RALGPS1: variants seen among roughly 807,000 people sequenced by gnomAD.
RALGPS1 encodes Ral GEF with PH domain and SH3 binding motif 1.
A neutral mutation model predicts 78.8 loss-of-function variants in RALGPS1; 19 were observed. The ratio of observed to expected loss-of-function variants is 0.24; its 90% CI spans 0.17 to 0.35. RALGPS1 has a LOEUF of 0.35. Among genes scored for constraint, RALGPS1 ranks in the 10% least tolerant of loss-of-function variants. The pLI is 1.00. For missense variants in RALGPS1, 454 were observed against 688.3 expected (o/e 0.66, Z 3.81); for synonymous variants, 228 against 256.3 (o/e 0.89, Z 1.06).
At position 127,186,569 on chromosome 9, in the gene RALGPS1, T is replaced by G. The variant is rs183321065; in HGVS notation, c.911-8522T>G. Among the ~76,000 whole-genome samples, 66 of 152,372 alleles carry G rather than the reference T, an allele frequency of 4.3e-4. 1 individual carries two copies. In the East Asian group the frequency reaches 0.013, roughly 29 times the overall value. ...CTTGGCAGGGCAGGAACATGAGGCC[T>G]TTCAGTAGCAGAGGGTGTCACTTAC... is the stretch of plus-strand genomic sequence containing the variant. On this transcript the variant is annotated intron_variant, in intron 11 of 18. Transcript: ENST00000259351.
chr9:127,030,519 A>G (rs1402513573), intron 4 of RALGPS1, among the ~76,000 whole-genome samples: 4 of 152,168 alleles, frequency 2.6e-5, no homozygotes, highest in Non-Finnish European at 4.4e-5. Context: ...GGGAAGGAAC[A>G]GTTACAGGGG....
intron 8 of RALGPS1, among the ~76,000 whole-genome samples, chr9:127,100,215 A>T (rs1195374426): frequency 1.3e-5 from 2 of 152,240 alleles, no homozygotes; most frequent in Non-Finnish European, 2.9e-5. Context: ...AATAATTTTA[A>T]AAGCAAAAGT....
chr9:126,964,993 A>G (rs1049389663), intron 2 of RALGPS1, among the ~76,000 whole-genome samples: 5 of 152,208 alleles, frequency 3.3e-5, no homozygotes, highest in Admixed American at 2.6e-4. Flanking sequence ...ACAGGGCACA[A>G]TTTTTGGGCG....
intron 17 of RALGPS1, 80 bp downstream of exon 17, chr9:127,213,129 T>C: frequency 1.9e-6 from 3 of 1,572,894 alleles, no homozygotes; most frequent in Non-Finnish European, 1.7e-6. Context: ...TTTGAAATTA[T>C]TAGGAGCTTT....
intron 14 of RALGPS1, among the ~76,000 whole-genome samples, chr9:127,200,854 A>G (rs1032506956): frequency 2.6e-5 from 4 of 152,236 alleles, no homozygotes; most frequent in Non-Finnish European, 2.9e-5. Flanking sequence ...GAAGACATCA[A>G]ATGGCAAACA....
chr9:127,170,982 A>G (rs936067312), intron 10 of RALGPS1, among the ~76,000 whole-genome samples: 5 of 152,194 alleles, frequency 3.3e-5, no homozygotes, highest in African/African-American at 7.2e-5. Context: ...CCATGGCCCA[A>G]CTGACATCTG....
intron 5 of RALGPS1, among the ~76,000 whole-genome samples, chr9:127,038,942 G>A (rs2047071425): frequency 6.6e-6 from 1 of 152,188 alleles, no homozygotes; most frequent in South Asian, 2.1e-4. Context: ...TCCTCTTTTG[G>A]TATTTGGGCA....
At chr9:127,166,552 G>A (rs2059301195) in intron 9 of RALGPS1, among the ~76,000 whole-genome samples, 1 of 152,016 alleles carries the variant, frequency 6.6e-6, no homozygotes, top group Non-Finnish European at 1.5e-5. Context: ...AAGCAGATTC[G>A]GGGACCAGCC....
chr9:127,032,405 A>G (rs920268343), intron 4 of RALGPS1, among the ~76,000 whole-genome samples: 1 of 152,172 alleles, frequency 6.6e-6, no homozygotes, highest in Admixed American at 6.5e-5. Flanking sequence ...GACTTCTGCT[A>G]TTTATTCGAA....
At chr9:126,977,851 A>T in intron 4 of RALGPS1, 106 bp downstream of exon 4, 1 of 753,026 alleles carries the variant, frequency 1.3e-6, no homozygotes, top group South Asian at 1.8e-5. Flanking sequence ...AGGCTCTATA[A>T]ATGCATGTTA....
At chr9:127,207,872 G>T (rs1308682410) in intron 14 of RALGPS1, among the ~76,000 whole-genome samples, 3 of 152,246 alleles carry the variant, frequency 2.0e-5, no homozygotes, top group Non-Finnish European at 1.5e-5. Context: ...AGAGAGAGCA[G>T]GCTCTGACTT....
rs759246220 is a variant in RALGPS1, at chr9:127,212,966, A to C, written c.1469A>C (p.Lys490Thr). 2 of 1,614,024 alleles carry C rather than the reference A, an allele frequency of 1.2e-6. No individual in the cohort carries two copies. The highest frequency in any genetic ancestry group is 2.7e-5 in the African/African-American group (2 of 74,906). The change falls in exon 17 of 19, where the codon AAG becomes ACG. Residue 490 changes from lysine (K) to threonine (T), a missense_variant. Transcript: ENST00000259351. The surrounding 1 kb of genome is among the most constrained non-coding windows in gnomAD (Gnocchi z 6.0). The stretch of plus-strand genomic sequence containing the variant: ...CAGTATAAATCCACACCTGGCAAAA[A>C]GGTTTCCATCGTGGGCTGGATGGTG... ...RKHYKSTPGK[K>T]VSIVGWMVQL...
chr9:126,991,813 G>A (rs1345469048), intron 4 of RALGPS1, among the ~76,000 whole-genome samples: 2 of 152,234 alleles, frequency 1.3e-5, no homozygotes, highest in Non-Finnish European at 1.5e-5. Context: ...CTCGCACATG[G>A]CAGAAACTCA....
rs1269101222 is a variant in RALGPS1 at position 127,166,098 on chromosome 9, G to A, written c.640G>A (p.Asp214Asn). 1 of 1,610,320 alleles carries A rather than the reference G, an allele frequency of 6.2e-7. No individual in the cohort carries two copies. Among genetic ancestry groups the A allele is most frequent in the South Asian group, 1.1e-5 (1 of 90,314 alleles). Reference protein sequence around the residue: ...GIYLLDLIYIDSAYPASGSIM... With the variant: ...GIYLLDLIYINSAYPASGSIM... ...CTATCTTCTGGATTTAATCTACATTGATTCTGCATATCCTGCCTCAGGCAG... is the reference window on the plus strand; with the variant it reads ...CTATCTTCTGGATTTAATCTACATTAATTCTGCATATCCTGCCTCAGGCAG... The change falls in exon 9 of 19, where the codon GAT becomes AAT. Residue 214 changes from aspartate (D) to asparagine (N), a missense_variant. By Grantham distance (23) the Asp-to-Asn change is conservative. Transcript: ENST00000259351.
chr9:127,210,888 C>T (rs2062213338), intron 14 of RALGPS1: 13 of 932,374 alleles, frequency 1.4e-5, no homozygotes, highest in Non-Finnish European at 1.9e-5. Context: ...ACAGCCTTTG[C>T]CTACATGAGT....
At chr9:126,932,504 G>A (rs2035883148) in intron 1 of RALGPS1, among the ~76,000 whole-genome samples, 1 of 152,148 alleles carries the variant, frequency 6.6e-6, no homozygotes, top group Non-Finnish European at 1.5e-5. Flanking sequence ...CAATACCAGT[G>A]TCCATTGGTA....
chr9:127,187,103 C>T (rs1332249996), intron 11 of RALGPS1, among the ~76,000 whole-genome samples: 2 of 152,166 alleles, frequency 1.3e-5, no homozygotes, highest in African/African-American at 4.8e-5. Flanking sequence ...TGCCTCTGAG[C>T]CTTCCTTTAA....
intron 1 of RALGPS1, among the ~76,000 whole-genome samples, chr9:126,922,035 G>T (rs2034820408): frequency 1.3e-5 from 2 of 152,188 alleles, no homozygotes; most frequent in Non-Finnish European, 2.9e-5. Flanking sequence ...CTCTTCCTGC[G>T]CTGGGATTGC....
chr9:126,937,499 A>G (rs536178405), intron 1 of RALGPS1, among the ~76,000 whole-genome samples: 3 of 152,304 alleles, frequency 2.0e-5, no homozygotes, highest in East Asian at 3.9e-4. Context: ...CTGAATGACA[A>G]TGGGTTTACA....
Sources: allele counts gnomAD v4.1 joint callset (sites outside exome capture counted in the v4.1 genomes callset), GRCh38; gene constraint gnomAD v4.1.1; non-coding constraint Gnocchi (gnomAD v3.1); transcripts MANE v1.5; gene names NCBI Gene and HGNC (gene_info 2026-07-23, HGNC 2026-07-21).